Variants in TRPM3 observed in about 807,000 individuals in gnomAD.
TRPM3 encodes the protein long transient receptor potential channel 3.
TRPM3 carries 77 observed loss-of-function variants against 181.2 expected under a neutral mutation model. That is an observed-to-expected ratio of 0.42 (90% CI 0.35 to 0.51). The LOEUF is 0.51. TRPM3 is among the 20% of genes least tolerant of loss of function. The pLI is 0.01. For synonymous variants in TRPM3, 745 were observed against 796.4 expected, an observed-to-expected ratio of 0.94 and a Z score of 1.09; for missense variants, 1,759 against 2,196.7, an observed-to-expected ratio of 0.80 and a Z score of 3.98.
At chr9:71,405,484 C>G (rs181213738) in intron 1 of TRPM3, among the ~76,000 whole-genome samples, 1 of 152,052 alleles carries the variant, frequency 6.6e-6, no homozygotes, top group Non-Finnish European at 1.5e-5. Flanking sequence ...AAAATCTTAA[C>G]CTGAAATTTG....
At chr9:71,413,347 A>G (rs1346844882) in intron 1 of TRPM3, among the ~76,000 whole-genome samples, 7 of 152,094 alleles carry the variant, frequency 4.6e-5, no homozygotes, top group Admixed American at 4.6e-4. Context: ...TACCTTCAAA[A>G]TTATAATATC....
intron 1 of TRPM3, among the ~76,000 whole-genome samples, chr9:71,440,755 T>C (rs1426861400): frequency 1.3e-5 from 2 of 151,916 alleles, no homozygotes; most frequent in African/African-American, 4.8e-5. Flanking sequence ...TAGATGAATG[T>C]TTCTTTAAAC....
intron 1 of TRPM3, among the ~76,000 whole-genome samples, chr9:71,374,688 C>G (rs2092620818): frequency 6.6e-6 from 1 of 152,162 alleles, no homozygotes; most frequent in South Asian, 2.1e-4. Context: ...GATCCTATAT[C>G]TAGAAAACCC....
At chr9:70,667,186 T>A (rs908682298) in intron 9 of TRPM3, among the ~76,000 whole-genome samples, 1 of 151,874 alleles carries the variant, frequency 6.6e-6, no homozygotes, top group East Asian at 1.9e-4. Context: ...TATTTAAGAG[T>A]GGGCATAAGA....
intron 6 of TRPM3, among the ~76,000 whole-genome samples, chr9:70,788,161 C>A (rs539179369): frequency 2.9e-5 from 3 of 104,794 alleles, no homozygotes; most frequent in South Asian, 4.3e-4. Context: ...ATCCCTCCCC[C>A]CTCCCCCCAC....
At chr9:70,557,178 A>G (rs2047918044) in intron 22 of TRPM3, among the ~76,000 whole-genome samples, 1 of 152,194 alleles carries the variant, frequency 6.6e-6, no homozygotes, top group Non-Finnish European at 1.5e-5. Flanking sequence ...ATTGTGTGAT[A>G]TGAGCTTGGA....
intron 1 of TRPM3, among the ~76,000 whole-genome samples, chr9:71,078,892 A>G (rs1312239407): frequency 6.6e-6 from 1 of 152,138 alleles, no homozygotes; most frequent in Non-Finnish European, 1.5e-5. Context: ...CATGACTGTC[A>G]CCTTTTCTGC....
intron 1 of TRPM3, among the ~76,000 whole-genome samples, chr9:71,162,218 A>AG (rs1554837330): frequency 0.011 from 1,649 of 146,604 alleles, 24 homozygotes; most frequent in African/African-American, 0.039. Flanking sequence ...AAAAAAAAAA[A>AG]AAGAAGAAAA....
intron 1 of TRPM3, among the ~76,000 whole-genome samples, chr9:70,955,080 C>G (rs1328817188): frequency 6.6e-6 from 1 of 152,144 alleles, no homozygotes; most frequent in Non-Finnish European, 1.5e-5. Context: ...AAACTTGAAG[C>G]ATTTTTTTCC....
chr9:70,807,594 A>C (rs956774163), intron 6 of TRPM3, among the ~76,000 whole-genome samples: 1 of 152,210 alleles, frequency 6.6e-6, no homozygotes, highest in African/African-American at 2.4e-5. Context: ...ATAACAAGTT[A>C]TTGAGCACCT....
chr9:71,341,130 A>T (rs532824582), intron 1 of TRPM3, among the ~76,000 whole-genome samples: 1 of 152,292 alleles, frequency 6.6e-6, no homozygotes, highest in African/African-American at 2.4e-5. Context: ...TATAAAAAAA[A>T]TTTCAATTGA....
chr9:70,800,795 G>A (rs1215422595), intron 6 of TRPM3, among the ~76,000 whole-genome samples: 1 of 149,914 alleles, frequency 6.7e-6, no homozygotes, highest in African/African-American at 2.4e-5. Flanking sequence ...ATCAACAGTA[G>A]GCTATCAATA....
At chr9:71,387,801 C>T (rs2092961616) in intron 1 of TRPM3, among the ~76,000 whole-genome samples, 2 of 152,092 alleles carry the variant, frequency 1.3e-5, no homozygotes, top group Admixed American at 6.6e-5. Flanking sequence ...AATACTATCT[C>T]TAGAGACAAC....
At chr9:71,414,448 A>T (rs1418146053) in intron 1 of TRPM3, among the ~76,000 whole-genome samples, 1 of 152,130 alleles carries the variant, frequency 6.6e-6, no homozygotes, top group Non-Finnish European at 1.5e-5. Context: ...GTGATAGAGA[A>T]CTAATATGAA....
At chr9:71,274,393 T>G (rs2084032594) in intron 1 of TRPM3, among the ~76,000 whole-genome samples, 1 of 152,204 alleles carries the variant, frequency 6.6e-6, no homozygotes, top group Non-Finnish European at 1.5e-5. Flanking sequence ...AATACTATTG[T>G]CCTGTTTTCT....
intron 1 of TRPM3, among the ~76,000 whole-genome samples, chr9:70,950,725 AG>A (rs1348100247): frequency 1.3e-5 from 2 of 152,154 alleles, no homozygotes; most frequent in African/African-American, 2.4e-5. Flanking sequence ...GAAGCCAAAA[AG>A]ACCTGCTAAA....
intron 1 of TRPM3, among the ~76,000 whole-genome samples, chr9:70,911,579 A>C (rs1206011739): frequency 6.6e-6 from 1 of 152,192 alleles, no homozygotes; most frequent in Non-Finnish European, 1.5e-5. Context: ...ACATTCTACT[A>C]AAACCTGCCT....
intron 12 of TRPM3, among the ~76,000 whole-genome samples, chr9:70,626,875 C>T (rs753497102): frequency 1.3e-5 from 2 of 152,084 alleles, no homozygotes; most frequent in Non-Finnish European, 2.9e-5. Context: ...AGAGGTATCC[C>T]GCTGCATCCT....
intron 1 of TRPM3, among the ~76,000 whole-genome samples, chr9:71,286,127 C>T (rs777414683): frequency 6.6e-6 from 1 of 152,138 alleles, no homozygotes; most frequent in African/African-American, 2.4e-5. Context: ...CTGAGATCTT[C>T]AGAATTTCCT....
Sources: gnomAD v4.1 joint callset for allele counts (sites outside exome capture counted in the v4.1 genomes callset) on GRCh38, gnomAD v4.1.1 for gene constraint, MANE v1.5 for transcripts, NCBI Gene and HGNC (gene_info 2026-07-23, HGNC 2026-07-21) for gene names.